DELE1: variants seen among roughly 807,000 people sequenced by gnomAD.
DELE1 encodes the protein DAP3 binding cell death enhancer 1, also known as death ligand signal enhancer.
Under a neutral mutation model 59.3 loss-of-function variants are expected in DELE1, and 54 were observed. The observed-to-expected ratio is 0.91, with a 90% CI of 0.73 to 1.14. The LOEUF (loss-of-function observed/expected upper bound fraction) is 1.14. Among genes scored for constraint, DELE1 ranks in the 50% most tolerant of loss-of-function variants. The pLI, the probability that DELE1 is intolerant of heterozygous loss-of-function variation, is 0.00. For synonymous variants in DELE1, 264 were observed against 259.1 expected (o/e 1.02, Z -0.18); for missense variants, 636 against 643.9 (o/e 0.99, Z 0.13).
intron 4 of DELE1, among the ~76,000 whole-genome samples, chr5:141,928,782 C>T (rs940577544): frequency 6.6e-6 from 1 of 152,146 alleles, no homozygotes; most frequent in African/African-American, 2.4e-5. Flanking sequence ...CCTTCTGCCT[C>T]GGTTTCTTTA....
chr5:141,934,819 G>A (rs1752232758), intron 10 of DELE1: 2 of 546,974 alleles, frequency 3.7e-6, no homozygotes, highest in Non-Finnish European at 6.5e-6. Context: ...AATCTGCTAT[G>A]GTGGGAATAT....
intron 5 of DELE1, 123 bp downstream of exon 5, chr5:141,929,863 G>A: frequency 4.0e-6 from 6 of 1,500,688 alleles, no homozygotes; most frequent in Non-Finnish European, 5.5e-6. Flanking sequence ...CTTGTGAGGT[G>A]ATTCAGGGTT....
intron 4 of DELE1, 80 bp from the exon 5 acceptor site, chr5:141,929,502 G>A (rs1751708756): frequency 5.4e-6 from 8 of 1,482,492 alleles, no homozygotes; most frequent in Middle Eastern, 2.5e-4. Context: ...CACCCGCCTC[G>A]GCCTCCCAAG....
At chr5:141,924,556 C>A in intron 1 of DELE1, 25 bp from the exon 2 acceptor site, 4 of 1,393,646 alleles carry the variant, frequency 2.9e-6, no homozygotes, top group Non-Finnish European at 4.1e-6. Context: ...TGTTGAGGTG[C>A]CTGAGTTTTG....
intron 3 of DELE1, among the ~76,000 whole-genome samples, chr5:141,926,678 C>G (rs1474966344): frequency 6.6e-6 from 1 of 152,242 alleles, no homozygotes; most frequent in East Asian, 1.9e-4. Flanking sequence ...GTGTCATCAG[C>G]AGAGCTGAGC....
At chr5:141,938,329 G>T (rs540723324) in intron 11 of DELE1, among the ~76,000 whole-genome samples, 192 bp from the exon 12 acceptor site, 1 of 152,168 alleles carries the variant, frequency 6.6e-6, no homozygotes, top group Non-Finnish European at 1.5e-5. Flanking sequence ...TGATGATTTT[G>T]TAGGAGAGAC....
Position 141,934,356 on chromosome 5 carries a change from A to G in DELE1, c.1014A>G (p.Ala338=), listed in dbSNP as rs922482948. 4 of 1,614,116 alleles carry G rather than the reference A, an allele frequency of 2.5e-6. No homozygotes were observed. The highest frequency in any genetic ancestry group is 1.7e-5 in the Admixed American group (1 of 60,008). The change falls in exon 9 of 12, where the codon GCA becomes GCG. Residue 338 remains alanine, a synonymous_variant. Transcript: ENST00000432126. The stretch of plus-strand genomic sequence containing the variant: ...CGTGGAACCCTGAGCGGCAGAGGGC[A>G]GTGTCCTTGCTGAAGCAGGCTGCAG... ...ASSWNPERQR[A]VSLLKQAADS...
In DELE1 at chr5:141,924,452, T is replaced by C. The variant is rs1316523398; in HGVS notation, c.32-129T>C. 11 of 658,032 alleles carry C rather than the reference T, an allele frequency of 1.7e-5. No individual in the cohort carries two copies. The East Asian group carries it at 2.6e-4, about 15-fold the overall frequency. The allele number at this position is 658,032 out of a possible 1,614,324, so 40.8% of individuals were successfully genotyped here. A position where few individuals can be genotyped will look rare whatever the true frequency, so the allele number is the denominator to read the frequency against. ...AAATCTTAGTTTATTGGTTCTGGGG[T>C]ACTACCCTAGAATCTGTAGTAGATA... On this transcript the variant is annotated intron_variant, in intron 1 of 11. Coordinates refer to ENST00000432126, the MANE Select transcript of DELE1 (RefSeq NM_014773.5).
At chr5:141,924,012 A>C in intron 1 of DELE1, 40 bp downstream of exon 1, 2 of 1,599,300 alleles carry the variant, frequency 1.3e-6, no homozygotes, top group Non-Finnish European at 1.7e-6. Flanking sequence ...TCTGGGCCGC[A>C]AAGACCGAAC....
Position 141,941,397 on chromosome 5 carries a change from G to A in DELE1, c.*2638G>A, listed in dbSNP as rs899642843. On this transcript the variant is annotated 3_prime_UTR_variant, in exon 12 of 12. Transcript: ENST00000432126. The stretch of plus-strand genomic sequence containing the variant: ...GTGGAAAGGGAAGGATGGCAGAGTC[G>A]TGAGAAAGGTGTTGTCAAGGGACCA... 7 of 985,512 alleles carry A rather than the reference G, an allele frequency of 7.1e-6. No homozygotes were observed. The highest frequency in any genetic ancestry group is 1.1e-4 in the East Asian group (1 of 8,822). The allele number at this position is 985,512 out of a possible 1,614,324, so 61.0% of individuals were successfully genotyped here.
intron 5 of DELE1, 66 bp downstream of exon 5, chr5:141,929,806 AC>A (rs1352528645): frequency 5.0e-6 from 8 of 1,590,554 alleles, no homozygotes; most frequent in Non-Finnish European, 6.9e-6. Context: ...GGCAAGATGG[AC>A]GTTGTTTGCT....
chr5:141,937,338 C>T lies in DELE1; in HGVS notation c.1290C>T (p.Leu430=), dbSNP rs748020833. The T allele has an allele frequency of 4.3e-6, 7 of 1,614,012 alleles. No homozygotes were observed. In the East Asian group the frequency reaches 8.9e-5, roughly 21 times the overall value. The change falls in exon 11 of 12, where the codon CTC becomes CTT. Residue 430 remains leucine, a synonymous_variant. Coordinates refer to ENST00000432126, the MANE Select transcript of DELE1 (RefSeq NM_014773.5). The stretch of plus-strand genomic sequence containing the variant: ...CCGCCCAGGAGAGGCTGCGAGCCCT[C>T]TTTTCCATGGGGGCTGCAGGTACAG... The part of the protein sequence containing the change: ...NEAAQERLRA[L]FSMGAAAPGP...
In DELE1 at chr5:141,941,036, C is replaced by T. The variant is rs1022065845; in HGVS notation, c.*2277C>T. ...CTCTCACTGAATTGAGCCCAGAGCC[C>T]GTTTCCCTACAGATTGCTTTTGAGC... On this transcript the variant is annotated 3_prime_UTR_variant, in exon 12 of 12. Coordinates refer to ENST00000432126, the MANE Select transcript of DELE1 (RefSeq NM_014773.5). 16 of 985,336 alleles carry T rather than the reference C, an allele frequency of 1.6e-5. No individual in the cohort carries two copies. The highest frequency in any genetic ancestry group is 1.4e-4 in the South Asian group (3 of 21,296). 61.0% of individuals were successfully genotyped at this position (985,336 alleles called of 1,614,324 possible).
chr5:141,936,471 G>A (rs1752361947), intron 10 of DELE1, among the ~76,000 whole-genome samples: 1 of 152,210 alleles, frequency 6.6e-6, no homozygotes, highest in African/African-American at 2.4e-5. Context: ...GTCTCACACT[G>A]TCGCCCTGGC....
intron 7 of DELE1, among the ~76,000 whole-genome samples, 194 bp downstream of exon 7, chr5:141,930,468 A>G (rs1221097952): frequency 6.6e-6 from 1 of 152,202 alleles, no homozygotes; most frequent in Non-Finnish European, 1.5e-5. Context: ...ACTGGCTCCC[A>G]TCTTGAGGCG....
chr5:141,933,038 T>C (rs1167516595), intron 7 of DELE1, among the ~76,000 whole-genome samples: 1 of 144,876 alleles, frequency 6.9e-6, no homozygotes, highest in Non-Finnish European at 1.5e-5. Flanking sequence ...GAGGTTGTAG[T>C]GAGCTGAGAT....
Position 141,939,632 on chromosome 5 carries a change from C to A in DELE1, c.*873C>A. ...ACAATTTGAGTCCCAAAGAAGAGGCCAGATACCCACCCACCTTCCCCCAAA... is the reference window on the plus strand; with the variant it reads ...ACAATTTGAGTCCCAAAGAAGAGGCAAGATACCCACCCACCTTCCCCCAAA... On this transcript the variant is annotated 3_prime_UTR_variant, in exon 12 of 12. Transcript: ENST00000432126. 1 of 985,848 alleles carries A rather than the reference C, an allele frequency of 1.0e-6. No individual in the cohort carries two copies. The highest frequency in any genetic ancestry group is 4.7e-5 in the South Asian group (1 of 21,284). The allele number at this position is 985,848 out of a possible 1,614,324, so 61.1% of individuals were successfully genotyped here.
At chr5:141,935,269 A>G (rs947625064) in intron 10 of DELE1, among the ~76,000 whole-genome samples, 11 of 152,238 alleles carry the variant, frequency 7.2e-5, no homozygotes, top group African/African-American at 2.2e-4. Flanking sequence ...CTTGTAAGTC[A>G]TAAGAGGAAA....
At chr5:141,924,740 C>CT (rs368894759) in intron 2 of DELE1, 45 bp downstream of exon 2, 88 of 1,085,962 alleles carry the variant, frequency 8.1e-5, no homozygotes, top group Non-Finnish European at 1.0e-4. Flanking sequence ...CCTAGTCACC[C>CT]TTTTTTTTTA....
Sources: gnomAD v4.1 joint callset for allele counts (sites outside exome capture counted in the v4.1 genomes callset) on GRCh38, gnomAD v4.1.1 for gene constraint, MANE v1.5 for transcripts, NCBI Gene and HGNC (gene_info 2026-07-23, HGNC 2026-07-21) for gene names.